FASTKD5: variants seen among roughly 807,000 people sequenced by gnomAD.
FASTKD5 encodes FAST kinase domains 5.
A neutral mutation model predicts 44.0 loss-of-function variants in FASTKD5; 30 were observed. That is an observed-to-expected ratio of 0.68 (90% CI 0.51 to 0.93). The LOEUF is 0.93. FASTKD5 is among the 40% of genes least tolerant of loss of function. The pLI is 0.00. For missense variants in FASTKD5, 868 were observed against 908.2 expected (o/e 0.96, Z 0.57); for synonymous variants, 335 against 342.2 (o/e 0.98, Z 0.23).
rs538294241 is a variant in FASTKD5 at position 3,158,636 on chromosome 20, A to G, written c.-191+1130T>C. Among the ~76,000 whole-genome samples the G allele has an allele frequency of 4.3e-4, 66 of 152,070 alleles. 1 individual carries two copies. In the South Asian group the frequency reaches 5.8e-3, roughly 13 times the overall value. ...ACTACAGGCGCCCGCCACCACGCCC[A>G]GCTATTTTTTTGTATTTTTAGTAGA... On this transcript the variant is annotated intron_variant, in intron 1 of 1. Transcript: ENST00000380266.
Position 3,152,233 on chromosome 20 carries a change from C to A in FASTKD5, c.-190-2973G>T, listed in dbSNP as rs140220227. Among the ~76,000 whole-genome samples the A allele has an allele frequency of 1.1e-4, 16 of 151,768 alleles. No homozygotes were observed. The East Asian group carries it at 1.8e-3, about 17-fold the overall frequency. ...CAGTGACTCATGTCTGTAATCCCAG[C>A]ACTTTGGGAGGCTGAGGCGGGTGGA... On this transcript the variant is annotated intron_variant, in intron 1 of 1. Coordinates refer to ENST00000380266, the MANE Select transcript of FASTKD5 (RefSeq NM_021826.5).
In FASTKD5 at chr20:3,149,003, C is replaced by A; in HGVS notation, c.68G>T (p.Gly23Val). 6.2e-7 allele frequency: 1 copy of A among 1,614,028 alleles called. No individual in the cohort carries two copies. The highest frequency in any genetic ancestry group is 1.1e-5 in the South Asian group (1 of 91,040). ...CCAGTATGACACACTTCGGACTGCA[C>A]CAAAGGCAGAAGGACTGCAAAATGC... The part of the protein sequence containing the change: ...YRAFCSPSAF[G>V]AVRSVSYWNV... Residue 23 changes from glycine (G) to valine (V), a missense_variant, in exon 2 of 2, where the codon GGT (glycine) becomes GTT (valine). By Grantham distance (109) the Gly-to-Val change is moderately radical. Transcript: ENST00000380266. The surrounding 1 kb of genome is among the most constrained non-coding windows in gnomAD (Gnocchi z 4.1).
rs1313498627 is a variant in FASTKD5 at position 3,157,139 on chromosome 20, G to A, written c.-191+2627C>T. 9.9e-5 allele frequency among the ~76,000 whole-genome samples: 15 copies of A among 152,260 alleles called. No homozygotes were observed. The East Asian group carries it at 2.9e-3, about 29-fold the overall frequency. ...AAAAACCGAACTTTCTCTAGGTGCT[G>A]AGGTATTCTGCTGAGAATCTACAAA... On this transcript the variant is annotated intron_variant, in intron 1 of 1. Coordinates refer to ENST00000380266, the MANE Select transcript of FASTKD5 (RefSeq NM_021826.5).
intron 1 of FASTKD5, among the ~76,000 whole-genome samples, chr20:3,154,134 G>C (rs2066660841): frequency 6.6e-6 from 1 of 152,142 alleles, no homozygotes; most frequent in African/African-American, 2.4e-5. Flanking sequence ...CAGAAACTAG[G>C]GTTCAATACA....
chr20:3,158,677 T>A (rs2066715100), intron 1 of FASTKD5, among the ~76,000 whole-genome samples: 1 of 152,046 alleles, frequency 6.6e-6, no homozygotes, highest in African/African-American at 2.4e-5. Context: ...GGTTTCACCA[T>A]ATTAGCCAAG....
Position 3,147,429 on chromosome 20 carries a change from A to C in FASTKD5, c.1642T>G (p.Leu548Val), listed in dbSNP as rs1555764388. The change falls in exon 2 of 2, where the codon TTA becomes GTA. Residue 548 changes from leucine (L) to valine (V), a missense_variant. Physicochemically the swap from Leu to Val is conservative, Grantham distance 32. Coordinates refer to ENST00000380266, the MANE Select transcript of FASTKD5 (RefSeq NM_021826.5). ...QQEGSELLWY[L>V]AEKDMNSKPE... ...TTTGAATTCATATCCTTCTCTGCTA[A>C]ATACCACAGCAATTCAGACCCCTCT... 7 of 1,614,234 alleles carry C rather than the reference A, an allele frequency of 4.3e-6. No homozygotes were observed. In the East Asian group the frequency reaches 1.6e-4, roughly 36 times the overall value.
At chr20:3,153,762 T>C (rs569708091) in intron 1 of FASTKD5, among the ~76,000 whole-genome samples, 1 of 152,324 alleles carries the variant, frequency 6.6e-6, no homozygotes, top group East Asian at 1.9e-4. Flanking sequence ...TGAGTATCCC[T>C]TGTCCAAAAT....
Position 3,148,162 on chromosome 20 carries a change from T to C in FASTKD5, c.909A>G (p.Glu303=). ...QVSQDLMQKL[E]SLILKYIDLI... ...AATCTATATATTTAAGGATCAATGA[T>C]TCCAATTTTTGCATTAGGTCCTGGG... The change falls in exon 2 of 2, where the codon GAA becomes GAG. Residue 303 remains glutamate (E), a synonymous_variant. Coordinates refer to ENST00000380266, the MANE Select transcript of FASTKD5 (RefSeq NM_021826.5). 2.5e-6 allele frequency: 4 copies of C among 1,613,798 alleles called. No homozygotes were observed. The highest frequency in any genetic ancestry group is 3.4e-6 in the Non-Finnish European group (4 of 1,179,944).
At position 3,147,566 on chromosome 20, in the gene FASTKD5, G is replaced by C. The variant is rs777413936; in HGVS notation, c.1505C>G (p.Ala502Gly). Residue 502 changes from alanine to glycine, a missense_variant, in exon 2 of 2, where the codon GCT becomes GGT. By Grantham distance (60) the Ala-to-Gly change is moderately conservative. Coordinates refer to ENST00000380266, the MANE Select transcript of FASTKD5 (RefSeq NM_021826.5). Reference protein sequence around the residue: ...FALSPGFVRLAQERTKFDLLK... With the variant: ...FALSPGFVRLGQERTKFDLLK... ...GAGGTCAAACTTAGTTCTCTCCTGA[G>C]CTAACCTGACAAACCCTGGACTGAG... The C allele has an allele frequency of 3.7e-6, 6 of 1,614,080 alleles. No individual in the cohort carries two copies. The highest frequency in any genetic ancestry group is 1.1e-5 in the South Asian group (1 of 91,090).
chr20:3,157,553 T>G (rs1465010059), intron 1 of FASTKD5, among the ~76,000 whole-genome samples: 1 of 152,218 alleles, frequency 6.6e-6, no homozygotes, highest in Non-Finnish European at 1.5e-5. Context: ...GTAGATATAG[T>G]ATGACTAAGC....
rs1409800601 is a variant in FASTKD5 at position 3,148,657 on chromosome 20, G to C, written c.414C>G (p.Leu138=). The part of the protein sequence containing the change: ...HSYNASETSQ[L]LSVSEGELIL... ...TTAGTTCACCTTCTGAAACAGACAG[G>C]AGCTGAGAAGTCTCAGATGCATTAT... is the stretch of plus-strand genomic sequence containing the variant. The change falls in exon 2 of 2, where the codon CTC becomes CTG. Residue 138 remains leucine (L), a synonymous_variant. Transcript: ENST00000380266. 4 of 1,614,156 alleles carry C rather than the reference G, an allele frequency of 2.5e-6. No homozygotes were observed. The highest frequency in any genetic ancestry group is 3.4e-6 in the Non-Finnish European group (4 of 1,180,010).
chr20:3,151,925 T>C (rs2066629547), intron 1 of FASTKD5: 1 of 150,414 alleles, frequency 6.6e-6, no homozygotes, highest in Non-Finnish European at 1.5e-5. Context: ...GCCATCATGG[T>C]GAAACCCTAT....
Position 3,148,413 on chromosome 20 carries a change from G to A in FASTKD5, c.658C>T (p.His220Tyr), listed in dbSNP as rs773198969. 6.2e-7 allele frequency: 1 copy of A among 1,614,156 alleles called. No homozygotes were observed. Among genetic ancestry groups the A allele is most frequent in the Non-Finnish European group, 8.5e-7 (1 of 1,180,016 alleles). Residue 220 changes from histidine to tyrosine, a missense_variant, in exon 2 of 2, where the codon CAC becomes TAC. Coordinates refer to ENST00000380266, the MANE Select transcript of FASTKD5 (RefSeq NM_021826.5). ...TACACATCTAGCATTGAATGGGAGT[G>A]AGGGATTCCTAAAATGACAAAAGCT... ...LKAFVILGIP[H>Y]SHSMLDVYET...
chr20:3,147,603 T>C lies in FASTKD5; in HGVS notation c.1468A>G (p.Ile490Val). 1 of 1,614,174 alleles carries C rather than the reference T, an allele frequency of 6.2e-7. No homozygotes were observed. Among genetic ancestry groups the C allele is most frequent in the Non-Finnish European group, 8.5e-7 (1 of 1,180,046 alleles). The change falls in exon 2 of 2, where the codon ATT (isoleucine) becomes GTT (valine). Residue 490 changes from isoleucine (I) to valine (V), a missense_variant. By Grantham distance (29) the Ile-to-Val change is conservative (BLOSUM62 3). Transcript: ENST00000380266. ...AFLEYFPVEL[I>V]DFALSPGFVR... Reference sequence around the variant, plus strand: ...AACCCTGGACTGAGAGCGAAATCAATTAACTCTACTGGAAAGTACTCCAAA... The same window carrying C: ...AACCCTGGACTGAGAGCGAAATCAACTAACTCTACTGGAAAGTACTCCAAA...
At chr20:3,150,053 TA>T (rs2066609206) in intron 1 of FASTKD5, among the ~76,000 whole-genome samples, 1 of 151,872 alleles carries the variant, frequency 6.6e-6, no homozygotes. Flanking sequence ...TAGTTATACC[TA>T]CGATAACCCT....
chr20:3,155,052 C>CAAAAAAAAAA (rs11326176), intron 1 of FASTKD5, among the ~76,000 whole-genome samples: 8 of 96,048 alleles, frequency 8.3e-5, no homozygotes, highest in East Asian at 2.9e-4. Context: ...GACACAGTCT[C>CAAAAAAAAAA]AAAAAAAAAA....
In FASTKD5 at chr20:3,148,010, C is replaced by A. The variant is rs772486694; in HGVS notation, c.1061G>T (p.Arg354Leu). The A allele has an allele frequency of 1.2e-6, 2 of 1,614,170 alleles. No individual in the cohort carries two copies. The highest frequency in any genetic ancestry group is 8.5e-7 in the Non-Finnish European group (1 of 1,180,038). Residue 354 changes from arginine (R) to leucine (L), a missense_variant, in exon 2 of 2, where the codon CGC (arginine) becomes CTC (leucine). Coordinates refer to ENST00000380266, the MANE Select transcript of FASTKD5 (RefSeq NM_021826.5). ...ACANIQHLSS[R>L]SLVNIVKMFR... is the part of the protein sequence containing the mutation. ...CATTTTAACAATATTCACTAAGGAGCGACTACTCAGATGCTGAATGTTAGC... is the reference window on the plus strand; with the variant it reads ...CATTTTAACAATATTCACTAAGGAGAGACTACTCAGATGCTGAATGTTAGC...
chr20:3,158,323 C>A (rs2066710527), intron 1 of FASTKD5, among the ~76,000 whole-genome samples: 1 of 151,714 alleles, frequency 6.6e-6, no homozygotes, highest in African/African-American at 2.4e-5. Context: ...ATGGCAAGGC[C>A]TTATTAGGGA....
At chr20:3,151,068 T>TG (rs2066619282) in intron 1 of FASTKD5, among the ~76,000 whole-genome samples, 1 of 149,360 alleles carries the variant, frequency 6.7e-6, no homozygotes, top group Non-Finnish European at 1.5e-5. Flanking sequence ...GTGTGTGTGT[T>TG]TGTGTGTGTG....
Sources: gnomAD v4.1 joint callset for allele counts (sites outside exome capture counted in the v4.1 genomes callset) on GRCh38, gnomAD v4.1.1 for gene constraint, Gnocchi (gnomAD v3.1) non-coding constraint, MANE v1.5 for transcripts, NCBI Gene and HGNC (gene_info 2026-07-23, HGNC 2026-07-21) for gene names.